CACNA1C: variants seen among roughly 807,000 people sequenced by gnomAD.
CACNA1C encodes calcium voltage-gated channel subunit alpha1 C.
A neutral mutation model predicts 229.0 loss-of-function variants in CACNA1C; 30 were observed. That is an observed-to-expected ratio of 0.13 (90% CI 0.10 to 0.18). The LOEUF (loss-of-function observed/expected upper bound fraction) is 0.18, where lower values mean the gene tolerates loss of function less well. CACNA1C is among the 10% of genes least tolerant of loss of function. CACNA1C has a pLI of 1.00. For missense variants in CACNA1C, 1,658 were observed against 2,845.0 expected (o/e 0.58, Z 9.49); for synonymous variants, 1,114 against 1,132.5 (o/e 0.98, Z 0.33).
Position 2,122,345 on chromosome 12 carries a change from A to G in CACNA1C, c.477+1915A>G, listed in dbSNP as rs2087198280. On this transcript the variant is annotated intron_variant, in intron 3 of 46. Coordinates refer to ENST00000399655, the MANE Select transcript of CACNA1C (RefSeq NM_000719.7). ...TAATGATACCTCAAAAAAGCTGCAG[A>G]TGACTTCTCATTCTCTGCATTCCAC... Among the ~76,000 whole-genome samples the G allele has an allele frequency of 2.6e-5, 4 of 152,200 alleles. No individual in the cohort carries two copies. The South Asian group carries it at 8.3e-4, about 32-fold the overall frequency.
chr12:2,207,333 T>G (rs1236434743), intron 3 of CACNA1C, among the ~76,000 whole-genome samples: 1 of 152,220 alleles, frequency 6.6e-6, no homozygotes, highest in African/African-American at 2.4e-5. Flanking sequence ...TTCTGCACAT[T>G]AAGCGGAGAG....
chr12:2,098,131 C>T (rs934196747), intron 1 of CACNA1C, among the ~76,000 whole-genome samples: 4 of 152,186 alleles, frequency 2.6e-5, no homozygotes, highest in Admixed American at 6.5e-5. Flanking sequence ...TCTTTTCCCA[C>T]CGAACTTGGG....
intron 3 of CACNA1C, among the ~76,000 whole-genome samples, chr12:2,241,327 G>T (rs555714613): frequency 6.6e-6 from 1 of 152,094 alleles, no homozygotes; most frequent in Non-Finnish European, 1.5e-5. Context: ...AGAAGCCAAG[G>T]ATCCTGTAAT....
At chr12:2,432,347 G>A (rs527459248) in intron 3 of CACNA1C, among the ~76,000 whole-genome samples, 7 of 152,256 alleles carry the variant, frequency 4.6e-5, no homozygotes, top group South Asian at 2.1e-4. Context: ...GACGTTCTTC[G>A]CATTGCTGGT....
At chr12:2,545,715 A>G (rs1288400490) in intron 9 of CACNA1C, among the ~76,000 whole-genome samples, 1 of 152,264 alleles carries the variant, frequency 6.6e-6, no homozygotes, top group African/African-American at 2.4e-5. Flanking sequence ...ACCAAATGGC[A>G]AATTCCAACA....
chr12:2,394,558 G>A (rs578067784), intron 3 of CACNA1C, among the ~76,000 whole-genome samples: 3 of 152,288 alleles, frequency 2.0e-5, no homozygotes, highest in East Asian at 1.9e-4. Context: ...TACTGAGTTT[G>A]TGAATGTAAA....
At chr12:2,610,774 G>C in intron 28 of CACNA1C, 75 bp downstream of exon 28, 2 of 1,477,264 alleles carry the variant, frequency 1.4e-6, no homozygotes, top group Non-Finnish European at 1.9e-6. Context: ...GTAACGGAGC[G>C]GCAGGCAGCT....
intron 29 of CACNA1C, among the ~76,000 whole-genome samples, chr12:2,616,566 C>T (rs1452185948): frequency 1.3e-5 from 2 of 152,234 alleles, no homozygotes; most frequent in Admixed American, 6.5e-5. Flanking sequence ...AGGCAGCAAG[C>T]GCAGGTGAGG....
chr12:2,521,623 G>T (rs1051436707), intron 9 of CACNA1C, among the ~76,000 whole-genome samples: 12 of 152,178 alleles, frequency 7.9e-5, no homozygotes, highest in Non-Finnish European at 1.6e-4. Context: ...AGGATACAAA[G>T]CCGCCTTCCT....
chr12:1,999,529 T>C (rs1186762935), intron 1 of CACNA1C, among the ~76,000 whole-genome samples: 1 of 152,140 alleles, frequency 6.6e-6, no homozygotes, highest in Admixed American at 6.5e-5. Flanking sequence ...GAGACCAGCC[T>C]GGGCAACATA....
rs988392351 is a variant in CACNA1C, at chr12:2,597,351, G to A, written c.2853+62G>A. On this transcript the variant is annotated intron_variant, in intron 21 of 46. Coordinates refer to ENST00000399655, the MANE Select transcript of CACNA1C (RefSeq NM_000719.7). The surrounding 1 kb of genome is among the most constrained non-coding windows in gnomAD (Gnocchi z 4.3). Reference sequence around the variant, plus strand: ...CTTGTGCCAGCACCAGGTCTCTGCCGCTGTCTGTCGCTAACACACATGCTC... The same window carrying A: ...CTTGTGCCAGCACCAGGTCTCTGCCACTGTCTGTCGCTAACACACATGCTC... The A allele has an allele frequency of 1.8e-5, 27 of 1,493,344 alleles. No homozygotes were observed. Among genetic ancestry groups the A allele is most frequent in the Middle Eastern group, 1.7e-4 (1 of 5,882 alleles). 92.5% of individuals were successfully genotyped at this position (1,493,344 alleles called of 1,614,324 possible). A position where few individuals can be genotyped will look rare whatever the true frequency, so the allele number is the denominator to read the frequency against.
intron 3 of CACNA1C, among the ~76,000 whole-genome samples, chr12:2,213,371 C>T (rs577384716): frequency 6.6e-6 from 1 of 152,252 alleles, no homozygotes; most frequent in Admixed American, 6.5e-5. Context: ...TTTTCTCTGC[C>T]TCCCTTGGAG....
Position 2,479,063 on chromosome 12 carries a change from G to T in CACNA1C, c.758-7041G>T, listed in dbSNP as rs1215935614. On this transcript the variant is annotated intron_variant, in intron 5 of 46. Coordinates refer to ENST00000399655, the MANE Select transcript of CACNA1C (RefSeq NM_000719.7). The surrounding 1 kb of genome is among the most constrained non-coding windows in gnomAD (Gnocchi z 4.3). ...CATTCTAGATTCCCCTGTGGGAGAA[G>T]CTGGTGTTTGATCTACATTTTCTTA... is the stretch of plus-strand genomic sequence containing the variant. Among the ~76,000 whole-genome samples the T allele has an allele frequency of 6.6e-6, 1 of 152,118 alleles. No homozygotes were observed. Among genetic ancestry groups the T allele is most frequent in the East Asian group, 1.9e-4 (1 of 5,192 alleles).
intron 3 of CACNA1C, among the ~76,000 whole-genome samples, chr12:2,214,877 C>G: frequency 6.6e-6 from 1 of 151,698 alleles, no homozygotes; most frequent in Non-Finnish European, 1.5e-5. Context: ...GCTTCTTTAT[C>G]TAGAAAATGT....
chr12:2,547,439 G>C, intron 9 of CACNA1C: 1 of 779,628 alleles, frequency 1.3e-6, no homozygotes, highest in Non-Finnish European at 2.4e-6. Flanking sequence ...TGACCATCTT[G>C]TCTGTGAAAG....
intron 30 of CACNA1C, among the ~76,000 whole-genome samples, chr12:2,637,044 C>A (rs1431533638): frequency 1.3e-5 from 2 of 152,256 alleles, no homozygotes; most frequent in East Asian, 3.9e-4. Flanking sequence ...TGATGGCTTC[C>A]GAACCAAAAG....
intron 3 of CACNA1C, among the ~76,000 whole-genome samples, chr12:2,188,213 A>G (rs1043181855): frequency 2.0e-5 from 3 of 152,236 alleles, no homozygotes; most frequent in Admixed American, 6.5e-5. Context: ...CATATCAAAC[A>G]TCTGAAAATG....
intron 1 of CACNA1C, among the ~76,000 whole-genome samples, chr12:2,038,611 TAAAAG>T (rs2049548990): frequency 6.6e-6 from 1 of 152,212 alleles, no homozygotes. Flanking sequence ...CAAAGAAACA[TAAAAG>T]AAGAGAATTG....
At chr12:2,539,974 G>C (rs1599365382) in intron 9 of CACNA1C, among the ~76,000 whole-genome samples, 1 of 152,302 alleles carries the variant, frequency 6.6e-6, no homozygotes, top group East Asian at 1.9e-4. Flanking sequence ...AACAAAGTGA[G>C]GGGCAGCCTC....
Sources: allele counts gnomAD v4.1 joint callset (sites outside exome capture counted in the v4.1 genomes callset), GRCh38; gene constraint gnomAD v4.1.1; non-coding constraint Gnocchi (gnomAD v3.1); transcripts MANE v1.5; gene names NCBI Gene and HGNC (gene_info 2026-07-23, HGNC 2026-07-21).